The following LSAMP variants were observed in gnomAD, a reference collection of about 807,000 sequenced individuals.
The protein encoded by LSAMP is limbic system-associated membrane protein.
A neutral mutation model predicts 38.6 loss-of-function variants in LSAMP; 7 were observed. That is an observed-to-expected ratio of 0.18 (90% CI 0.10 to 0.34). The LOEUF is 0.34. Ranked by LOEUF, LSAMP falls within the 10% of genes least tolerant of loss-of-function variation. LSAMP has a pLI of 1.00. For synonymous variants in LSAMP, 154 were observed against 166.8 expected (o/e 0.92, Z 0.59); for missense variants, 313 against 420.0 (o/e 0.75, Z 2.23).
intron 1 of LSAMP, among the ~76,000 whole-genome samples, chr3:116,376,812 A>T (rs2048499726): frequency 6.6e-6 from 1 of 152,036 alleles, no homozygotes; most frequent in Non-Finnish European, 1.5e-5. Flanking sequence ...TCTTTTTAAA[A>T]CAGTTTTTTG....
intron 3 of LSAMP, among the ~76,000 whole-genome samples, chr3:115,965,347 AAT>A (rs1201025800): frequency 6.6e-6 from 1 of 152,032 alleles, no homozygotes; most frequent in East Asian, 1.9e-4. Context: ...ATGAAATTGT[AAT>A]CTTACTCAAA....
At chr3:116,269,239 G>A (rs535839011) in intron 1 of LSAMP, among the ~76,000 whole-genome samples, 38 of 152,182 alleles carry the variant, frequency 2.5e-4, no homozygotes, top group Admixed American at 9.8e-4. Context: ...TATAAGCCTT[G>A]TGATAATAAG....
At position 116,374,813 on chromosome 3, in the gene LSAMP, A is replaced by T. The variant is rs557443477; in HGVS notation, c.155+70064T>A. On this transcript the variant is annotated intron_variant, in intron 1 of 6. Coordinates refer to ENST00000490035, the MANE Select transcript of LSAMP (RefSeq NM_002338.5). ...CTATGCAACTGACCCTAGACTCAAG[A>T]ACTGAAAGATCACAAACTGAGCTCT... Among the ~76,000 whole-genome samples, 7 of 152,026 alleles carry T rather than the reference A, an allele frequency of 4.6e-5. No individual in the cohort carries two copies. The South Asian group carries it at 1.5e-3, about 32-fold the overall frequency.
chr3:116,309,083 C>T (rs573696351), intron 1 of LSAMP, among the ~76,000 whole-genome samples: 62 of 152,026 alleles, frequency 4.1e-4, no homozygotes, highest in Non-Finnish European at 7.5e-4. Flanking sequence ...AGAGTTCCTA[C>T]GGAACACAAT....
chr3:116,033,443 T>C (rs1940974237), intron 2 of LSAMP, among the ~76,000 whole-genome samples: 1 of 152,164 alleles, frequency 6.6e-6, no homozygotes, highest in Non-Finnish European at 1.5e-5. Flanking sequence ...CTTCTCTTAC[T>C]TCTGCACCCT....
intron 1 of LSAMP, among the ~76,000 whole-genome samples, chr3:116,430,040 C>T (rs1039243828): frequency 5.3e-5 from 8 of 152,060 alleles, no homozygotes; most frequent in South Asian, 2.1e-4. Flanking sequence ...AATTAGAAGA[C>T]GTAAGAGATG....
intron 1 of LSAMP, among the ~76,000 whole-genome samples, chr3:116,336,330 C>G (rs2107747393): frequency 6.6e-6 from 1 of 152,086 alleles, no homozygotes; most frequent in South Asian, 2.1e-4. Context: ...AGACAGCCTA[C>G]AGAATGGTAG....
intron 2 of LSAMP, among the ~76,000 whole-genome samples, chr3:116,046,921 C>T (rs1199719657): frequency 6.6e-6 from 1 of 152,148 alleles, no homozygotes; most frequent in Non-Finnish European, 1.5e-5. Flanking sequence ...CAGGGGCTCA[C>T]TCATACCCAG....
chr3:116,405,088 G>A (rs1372666628), intron 1 of LSAMP, among the ~76,000 whole-genome samples: 5 of 152,028 alleles, frequency 3.3e-5, no homozygotes, highest in East Asian at 1.9e-4. Flanking sequence ...TAGGTAGTAC[G>A]CAAGTAATAT....
chr3:116,144,913 T>C (rs1709456286), intron 1 of LSAMP, among the ~76,000 whole-genome samples: 1 of 151,990 alleles, frequency 6.6e-6, no homozygotes, highest in African/African-American at 2.4e-5. Flanking sequence ...ATATAGTTGG[T>C]TATAGAACTG....
chr3:116,342,745 T>C (rs146351255), intron 1 of LSAMP, among the ~76,000 whole-genome samples: 80 of 152,236 alleles, frequency 5.3e-4, no homozygotes, highest in Middle Eastern at 3.4e-3. Flanking sequence ...GCATGTGACA[T>C]GCTTTATGAC....
chr3:116,010,117 A>C (rs1411877088), intron 3 of LSAMP, among the ~76,000 whole-genome samples: 1 of 152,030 alleles, frequency 6.6e-6, no homozygotes, highest in Non-Finnish European at 1.5e-5. Flanking sequence ...GGGTTTCACC[A>C]TGTTGGCCAG....
intron 2 of LSAMP, among the ~76,000 whole-genome samples, chr3:116,076,373 T>C (rs1707743432): frequency 6.6e-6 from 1 of 152,112 alleles, no homozygotes; most frequent in South Asian, 2.1e-4. Flanking sequence ...TTCTCCTGCC[T>C]CAGCCTCCCG....
intron 3 of LSAMP, among the ~76,000 whole-genome samples, chr3:115,975,694 G>A (rs758760130): frequency 3.3e-5 from 5 of 152,078 alleles, no homozygotes; most frequent in Non-Finnish European, 7.4e-5. Context: ...AACCGCCAAA[G>A]CATTGACTGT....
chr3:116,167,305 C>G (rs1461065708), intron 1 of LSAMP, among the ~76,000 whole-genome samples: 1 of 152,034 alleles, frequency 6.6e-6, no homozygotes, highest in Non-Finnish European at 1.5e-5. Flanking sequence ...GCTTTTGCAT[C>G]TTCATATCCA....
intron 1 of LSAMP, among the ~76,000 whole-genome samples, chr3:116,342,010 T>C (rs1376044160): frequency 6.6e-6 from 1 of 151,938 alleles, no homozygotes; most frequent in African/African-American, 2.4e-5. Context: ...GCTATATAAA[T>C]GTAAAATAAC....
At chr3:116,199,935 A>T (rs763351176) in intron 1 of LSAMP, among the ~76,000 whole-genome samples, 2 of 152,150 alleles carry the variant, frequency 1.3e-5, no homozygotes, top group Non-Finnish European at 2.9e-5. Context: ...TTTTAGGAAG[A>T]CAGAAACTTA....
intron 2 of LSAMP, among the ~76,000 whole-genome samples, chr3:116,085,708 G>T (rs1208947496): frequency 6.6e-6 from 1 of 152,130 alleles, no homozygotes; most frequent in Non-Finnish European, 1.5e-5. Context: ...TGACTCAGAT[G>T]TGCCCTTAGA....
At chr3:116,439,314 TTGTTG>T (rs1270900327) in intron 1 of LSAMP, among the ~76,000 whole-genome samples, 2 of 132,352 alleles carry the variant, frequency 1.5e-5, no homozygotes, top group Non-Finnish European at 3.3e-5. Flanking sequence ...TCCTGAGATT[TTGTTG>T]TTTTTTTTTT....
Sources: allele counts gnomAD v4.1 joint callset (sites outside exome capture counted in the v4.1 genomes callset), GRCh38; gene constraint gnomAD v4.1.1; transcripts MANE v1.5; gene names NCBI Gene and HGNC (gene_info 2026-07-23, HGNC 2026-07-21).